LDB3: variants seen among roughly 807,000 people sequenced by gnomAD.
The protein encoded by LDB3 is LIM domain binding 3.
Under a neutral mutation model 69.0 loss-of-function variants are expected in LDB3, and 49 were observed. The observed-to-expected ratio is 0.71, with a 90% CI of 0.56 to 0.90. The LOEUF (loss-of-function observed/expected upper bound fraction) is 0.90, where lower values mean the gene tolerates loss of function less well. LDB3 is among the 40% of genes least tolerant of loss of function. The pLI, the probability that LDB3 is intolerant of heterozygous loss-of-function variation, is 0.00. For synonymous variants in LDB3, 387 were observed against 396.2 expected (o/e 0.98, Z 0.28); for missense variants, 928 against 974.1 (o/e 0.95, Z 0.63).
intron 7 of LDB3, among the ~76,000 whole-genome samples, chr10:86,698,093 C>A (rs1589654102): frequency 6.6e-6 from 1 of 152,198 alleles, no homozygotes; most frequent in African/African-American, 2.4e-5. Context: ...AGCACCCACC[C>A]ACCTCCTTAA....
At chr10:86,720,908 G>T (rs1847060560) in intron 12 of LDB3, among the ~76,000 whole-genome samples, 1 of 152,194 alleles carries the variant, frequency 6.6e-6, no homozygotes, top group African/African-American at 2.4e-5. Flanking sequence ...TAACTGGAGA[G>T]ACCCAGTTGA....
chr10:86,730,389 T>C (rs1171836345), intron 13 of LDB3, among the ~76,000 whole-genome samples: 1 of 151,918 alleles, frequency 6.6e-6, no homozygotes, highest in Non-Finnish European at 1.5e-5. Flanking sequence ...CTGGGACCCA[T>C]GCCAGCCAAT....
chr10:86,710,131 G>C, intron 9 of LDB3, 81 bp downstream of exon 9: 1 of 1,575,946 alleles, frequency 6.3e-7, no homozygotes, highest in Non-Finnish European at 8.6e-7. Flanking sequence ...AGTGGCTCTG[G>C]GGGCACATCC....
At chr10:86,711,499 G>T (rs1351034981) in intron 9 of LDB3, among the ~76,000 whole-genome samples, 1 of 151,992 alleles carries the variant, frequency 6.6e-6, no homozygotes, top group Non-Finnish European at 1.5e-5. Context: ...GCTGCCAAGC[G>T]GAGTCCGGGG....
intron 10 of LDB3, 85 bp from the exon 11 acceptor site, chr10:86,717,879 A>G: frequency 7.9e-7 from 1 of 1,270,514 alleles, no homozygotes; most frequent in Non-Finnish European, 1.1e-6. Context: ...ATTGGGTAAA[A>G]GTATAAACAG....
chr10:86,681,761 T>C lies in LDB3; in HGVS notation c.647T>C (p.Met216Thr). The C allele has an allele frequency of 6.2e-7, 1 of 1,602,674 alleles. No homozygotes were observed. The highest frequency in any genetic ancestry group is 2.2e-5 in the East Asian group (1 of 44,642). Residue 216 changes from methionine to threonine, a missense_variant, in exon 5 of 14, where the codon ATG becomes ACG. Physicochemically the swap from Met to Thr is moderately conservative, Grantham distance 81. Coordinates refer to ENST00000361373, the MANE Select transcript of LDB3 (RefSeq NM_007078.3). ...AGGGAGATGGCTCAGATGTACCAGA[T>C]GAGCCTCCGAGGGAAGGCCTCGGGT... ...TLREMAQMYQ[M>T]SLRGKASGVG...
At chr10:86,723,181 G>T (rs968630631) in intron 12 of LDB3, among the ~76,000 whole-genome samples, 5 of 148,016 alleles carry the variant, frequency 3.4e-5, no homozygotes, top group African/African-American at 1.2e-4. Flanking sequence ...GAGGTGGGAG[G>T]ATGGTTTGAG....
At chr10:86,710,652 A>C (rs1846613803) in intron 9 of LDB3, among the ~76,000 whole-genome samples, 1 of 152,234 alleles carries the variant, frequency 6.6e-6, no homozygotes, top group South Asian at 2.1e-4. Flanking sequence ...TAAGGAGCCT[A>C]GACTCGGGAG....
intron 12 of LDB3, among the ~76,000 whole-genome samples, chr10:86,723,584 C>G (rs1242429980): frequency 6.6e-6 from 1 of 152,184 alleles, no homozygotes; most frequent in Non-Finnish European, 1.5e-5. Context: ...TAAGTGGGTG[C>G]AGGGCTTGTC....
In LDB3 at chr10:86,687,340, C is replaced by G. The variant is rs1845538605; in HGVS notation, c.690-4556C>G. On this transcript the variant is annotated intron_variant, in intron 5 of 13. Transcript: ENST00000361373. ...CCCGAGGGGTATGGGCCATTGGGCA[C>G]CATCGGGACCAGCTTTCTTCCCTCA... 26 of 1,448,724 alleles carry G rather than the reference C, an allele frequency of 1.8e-5. No homozygotes were observed. The Admixed American group carries it at 4.2e-4, about 23-fold the overall frequency. The allele number at this position is 1,448,724 out of a possible 1,614,324, so 89.7% of individuals were successfully genotyped here.
intron 2 of LDB3, among the ~76,000 whole-genome samples, chr10:86,671,535 C>G (rs184737911): frequency 7.2e-5 from 11 of 152,146 alleles, no homozygotes; most frequent in Admixed American, 3.3e-4. Context: ...TTATCCTGGA[C>G]AGGTGTGGCT....
Position 86,692,614 on chromosome 10 carries a change from C to T in LDB3, c.896+43C>T, listed in dbSNP as rs1234451806. On this transcript the variant is annotated intron_variant, in intron 7 of 13. Transcript: ENST00000361373. ...GGCTCTGTGGCCTTGCCCTCTAGCC[C>T]CGTCCCTCCCCGGGCAGCCCCCAGG... 1.9e-6 allele frequency: 3 copies of T among 1,577,658 alleles called. No homozygotes were observed. In the East Asian group the frequency reaches 6.7e-5, roughly 35 times the overall value.
At position 86,681,491 on chromosome 10, in the gene LDB3, C is replaced by T. The variant is rs746181094; in HGVS notation, c.377C>T (p.Ala126Val). Residue 126 changes from alanine to valine, a missense_variant, in exon 5 of 14, where the codon GCG becomes GTG. Transcript: ENST00000361373. Reference sequence around the variant, plus strand: ...GTGGCACCCAGCCCCAGCCCTGAGGCGAGGGCCAGCCCAGGCACCCCAGGC... The same window carrying T: ...GTGGCACCCAGCCCCAGCCCTGAGGTGAGGGCCAGCCCAGGCACCCCAGGC... ...SLVAPSPSPE[A>V]RASPGTPGTP... 9.3e-6 allele frequency: 15 copies of T among 1,609,572 alleles called. No individual in the cohort carries two copies. The highest frequency in any genetic ancestry group is 1.1e-5 in the Non-Finnish European group (13 of 1,179,764).
Position 86,681,237 on chromosome 10 carries a change from C to T in LDB3, c.322-199C>T, listed in dbSNP as rs139371492. 4.3e-4 allele frequency among the ~76,000 whole-genome samples: 66 copies of T among 152,394 alleles called. No homozygotes were observed. In the East Asian group the frequency reaches 7.9e-3, roughly 18 times the overall value. On this transcript the variant is annotated intron_variant, in intron 4 of 13. Transcript: ENST00000361373. ...ACTCTGCCCAGCTGGATGCCAGCCTCACGCCAGGCCAGGAGCCATGTGCCT... is the reference window on the plus strand; with the variant it reads ...ACTCTGCCCAGCTGGATGCCAGCCTTACGCCAGGCCAGGAGCCATGTGCCT...
chr10:86,690,332 C>T (rs1208460461), intron 5 of LDB3, among the ~76,000 whole-genome samples: 1 of 152,214 alleles, frequency 6.6e-6, no homozygotes, highest in Non-Finnish European at 1.5e-5. Context: ...CCTGGGACTC[C>T]TCCCTATGCC....
chr10:86,722,559 C>CTTTTT lies in LDB3; in HGVS notation c.1979-3558_1979-3554dup, dbSNP rs1181539611. Among the ~76,000 whole-genome samples, 29 of 55,274 alleles carry CTTTTT rather than the reference C, an allele frequency of 5.2e-4. 1 individual carries two copies. Among genetic ancestry groups the CTTTTT allele is most frequent in the East Asian group, 1.6e-3 (2 of 1,236 alleles). The allele number at this position is 55,274 out of a possible 152,430, so 36.3% of individuals were successfully genotyped here. ...ACAGGCGTGAGCCACCGTGCCTGGC[C>CTTTTT]TTTTTTTTTTTTTTTTTTTTTTTTG... On this transcript the variant is annotated intron_variant, in intron 12 of 13. Coordinates refer to ENST00000361373, the MANE Select transcript of LDB3 (RefSeq NM_007078.3).
At chr10:86,679,636 T>G (rs1845001767) in intron 3 of LDB3, 118 bp downstream of exon 3, 4 of 1,190,084 alleles carry the variant, frequency 3.4e-6, no homozygotes, top group Non-Finnish European at 4.9e-6. Context: ...TACAAAACTG[T>G]GCAGGAAGAT....
At chr10:86,685,617 A>G in intron 5 of LDB3, 1 of 1,587,534 alleles carries the variant, frequency 6.3e-7, no homozygotes, top group Non-Finnish European at 8.7e-7. Flanking sequence ...CCGGCGCTCA[A>G]ACTGCCCCTG....
chr10:86,726,924 C>T (rs1483220656), intron 13 of LDB3, among the ~76,000 whole-genome samples: 1 of 151,880 alleles, frequency 6.6e-6, no homozygotes, highest in Non-Finnish European at 1.5e-5. Flanking sequence ...GGTGAGCCTA[C>T]AGACATTTAG....
Sources: allele counts gnomAD v4.1 joint callset (sites outside exome capture counted in the v4.1 genomes callset), GRCh38; gene constraint gnomAD v4.1.1; transcripts MANE v1.5; gene names NCBI Gene and HGNC (gene_info 2026-07-23, HGNC 2026-07-21).